UCHL3: variants seen among roughly 807,000 people sequenced by gnomAD.
The protein encoded by UCHL3 is ubiquitin carboxyl-terminal hydrolase isozyme L3.
Under a neutral mutation model 35.8 loss-of-function variants are expected in UCHL3, and 22 were observed. That is an observed-to-expected ratio of 0.61 (90% CI 0.44 to 0.88). The LOEUF is 0.88. Among genes scored for constraint, UCHL3 ranks in the 40% least tolerant of loss-of-function variants. The pLI, the probability that UCHL3 is intolerant of heterozygous loss-of-function variation, is 0.00. For missense variants in UCHL3, 229 were observed against 276.9 expected (o/e 0.83, Z 1.23); for synonymous variants, 90 against 92.8 (o/e 0.97, Z 0.17).
At chr13:75,588,666 G>A (rs540927048) in intron 6 of UCHL3, among the ~76,000 whole-genome samples, 68 of 152,202 alleles carry the variant, frequency 4.5e-4, no homozygotes, top group Admixed American at 1.0e-3. Context: ...TACTAAGTAG[G>A]ATTAGAGAAT....
At chr13:75,559,101 G>T (rs570530353) in intron 2 of UCHL3, among the ~76,000 whole-genome samples, 7 of 123,078 alleles carry the variant, frequency 5.7e-5, no homozygotes, top group Non-Finnish European at 1.1e-4. Flanking sequence ...GTGCAGTGGC[G>T]CAATCTCTGC....
chr13:75,561,630 T>G lies in UCHL3; in HGVS notation c.183+749T>G, dbSNP rs560517692. 5.9e-5 allele frequency among the ~76,000 whole-genome samples: 9 copies of G among 152,076 alleles called. No homozygotes were observed. The East Asian group carries it at 1.7e-3, about 29-fold the overall frequency. On this transcript the variant is annotated intron_variant, in intron 3 of 8. Coordinates refer to ENST00000377595, the MANE Select transcript of UCHL3 (RefSeq NM_006002.5). The stretch of plus-strand genomic sequence containing the variant: ...AGGTTACATTATTTTCAAAATAAAC[T>G]TGAATGGGAATCACTAAGCTTAAAT...
At chr13:75,597,085 G>A (rs1201702583) in intron 7 of UCHL3, among the ~76,000 whole-genome samples, 1 of 152,272 alleles carries the variant, frequency 6.6e-6, no homozygotes, top group East Asian at 1.9e-4. Context: ...TACAAAGATG[G>A]ACAGTTGCTG....
intron 6 of UCHL3, among the ~76,000 whole-genome samples, chr13:75,586,909 GA>G (rs926295490): frequency 7.0e-6 from 1 of 143,012 alleles, no homozygotes; most frequent in Non-Finnish European, 1.5e-5. Context: ...GCTTATAGTA[GA>G]AAAAAACAAA....
chr13:75,552,709 C>A (rs976553940), intron 2 of UCHL3, among the ~76,000 whole-genome samples: 3 of 152,104 alleles, frequency 2.0e-5, no homozygotes, highest in Non-Finnish European at 2.9e-5. Flanking sequence ...ACTTTATTTA[C>A]CTATGCATTT....
intron 7 of UCHL3, among the ~76,000 whole-genome samples, chr13:75,599,965 G>A (rs1171793434): frequency 6.6e-6 from 1 of 152,244 alleles, no homozygotes; most frequent in Non-Finnish European, 1.5e-5. Context: ...GAAATTAAAA[G>A]TGCTGCTCCA....
intron 6 of UCHL3, chr13:75,589,933 T>C (rs1369068101): frequency 7.7e-7 from 1 of 1,297,104 alleles, no homozygotes; most frequent in Non-Finnish European, 1.0e-6. Flanking sequence ...TTTTTAATTA[T>C]GTAGTCCTCC....
In UCHL3 at chr13:75,586,499, A is replaced by G. The variant is rs1041784325; in HGVS notation, c.475-8416A>G. Among the ~76,000 whole-genome samples the G allele has an allele frequency of 2.0e-5, 3 of 152,026 alleles. No individual in the cohort carries two copies. In the East Asian group the frequency reaches 5.8e-4, roughly 29 times the overall value. ...CTAAAAAATTGAAGATTTGAACAAC[A>G]TTGTCAAACAACTTGACCCTTTTGA... On this transcript the variant is annotated intron_variant, in intron 6 of 8. Coordinates refer to ENST00000377595, the MANE Select transcript of UCHL3 (RefSeq NM_006002.5).
At chr13:75,587,328 G>A (rs758626262) in intron 6 of UCHL3, among the ~76,000 whole-genome samples, 8 of 152,012 alleles carry the variant, frequency 5.3e-5, no homozygotes, top group Non-Finnish European at 1.0e-4. Flanking sequence ...GAGACATGAT[G>A]AATAAATTTA....
At chr13:75,590,883 G>A (rs1040364110) in intron 6 of UCHL3, among the ~76,000 whole-genome samples, 3 of 152,096 alleles carry the variant, frequency 2.0e-5, no homozygotes, top group African/African-American at 7.2e-5. Flanking sequence ...TGAGACTGAT[G>A]ATGCAATTCT....
chr13:75,593,522 T>C (rs2032566591), intron 6 of UCHL3, among the ~76,000 whole-genome samples: 1 of 152,192 alleles, frequency 6.6e-6, no homozygotes, highest in Admixed American at 6.5e-5. Flanking sequence ...AACAATGGAA[T>C]GGACTGCCTC....
intron 3 of UCHL3, among the ~76,000 whole-genome samples, chr13:75,561,850 CATACGTATACATATATACATACGTAT>C: frequency 2.0e-5 from 1 of 49,762 alleles, no homozygotes; most frequent in South Asian, 5.8e-4. Flanking sequence ...TATACGTATA[CATACGTATACATATATACATACGTAT>C]ATACGTATAC....
intron 6 of UCHL3, chr13:75,589,792 C>A: frequency 1.7e-6 from 1 of 594,546 alleles, no homozygotes; most frequent in Non-Finnish European, 2.4e-6. Flanking sequence ...AACCAATATT[C>A]ATACATGATC....
intron 6 of UCHL3, among the ~76,000 whole-genome samples, chr13:75,590,531 TA>T (rs2032454028): frequency 6.6e-6 from 1 of 152,190 alleles, no homozygotes; most frequent in Admixed American, 6.6e-5. Context: ...ACTTTATTAT[TA>T]TTATTTTTTT....
intron 6 of UCHL3, among the ~76,000 whole-genome samples, chr13:75,592,414 TC>T (rs2032500549): frequency 5.5e-5 from 1 of 18,140 alleles, no homozygotes; most frequent in Non-Finnish European, 1.3e-4. Flanking sequence ...AATTTTTCCT[TC>T]ATATATATAT....
chr13:75,590,066 A>G (rs1334060100), intron 6 of UCHL3: 2 of 1,304,142 alleles, frequency 1.5e-6, no homozygotes. Context: ...CTACCAGTCC[A>G]TCTCTCCGTC....
intron 6 of UCHL3, among the ~76,000 whole-genome samples, chr13:75,583,579 T>G (rs939724414): frequency 6.6e-6 from 1 of 152,224 alleles, no homozygotes; most frequent in African/African-American, 2.4e-5. Flanking sequence ...TTAGCTATTA[T>G]GGTTGTTGTT....
intron 7 of UCHL3, among the ~76,000 whole-genome samples, chr13:75,602,099 ACT>A (rs201058985): frequency 0.03 from 4,117 of 138,186 alleles, 181 homozygotes; most frequent in African/African-American, 0.1. Flanking sequence ...ACAGAGCGAG[ACT>A]CTGTCTCAAA....
chr13:75,595,920 T>C (rs1398783772), intron 7 of UCHL3, among the ~76,000 whole-genome samples: 1 of 152,174 alleles, frequency 6.6e-6, no homozygotes, highest in African/African-American at 2.4e-5. Flanking sequence ...TTATGACTTC[T>C]TCTTATTCTT....
Sources: allele counts gnomAD v4.1 joint callset (sites outside exome capture counted in the v4.1 genomes callset), GRCh38; gene constraint gnomAD v4.1.1; transcripts MANE v1.5; gene names NCBI Gene and HGNC (gene_info 2026-07-23, HGNC 2026-07-21).